Variants in TBC1D4 observed in about 807,000 individuals in gnomAD.
TBC1D4 encodes TBC1 domain family member 4.
A neutral mutation model predicts 142.5 loss-of-function variants in TBC1D4; 121 were observed. That is an observed-to-expected ratio of 0.85 (90% CI 0.73 to 0.99). The LOEUF is 0.99. Ranked by LOEUF, TBC1D4 falls within the 50% of genes least tolerant of loss-of-function variation. TBC1D4 has a pLI of 0.00. For missense variants in TBC1D4, 1,475 were observed against 1,606.6 expected (o/e 0.92, Z 1.40); for synonymous variants, 630 against 628.2 (o/e 1.00, Z -0.04).
intron 1 of TBC1D4, among the ~76,000 whole-genome samples, chr13:75,385,033 G>T (rs950642639): frequency 2.0e-5 from 3 of 152,148 alleles, no homozygotes; most frequent in Admixed American, 2.0e-4. Context: ...TGTCCTCAGA[G>T]AAGGAGGAAC....
chr13:75,436,829 C>T (rs1025220379), intron 1 of TBC1D4, among the ~76,000 whole-genome samples: 10 of 145,558 alleles, frequency 6.9e-5, no homozygotes, highest in African/African-American at 2.2e-4. Flanking sequence ...ATTAGAGAAA[C>T]TTGGAAGACA....
intron 1 of TBC1D4, among the ~76,000 whole-genome samples, chr13:75,461,292 A>C (rs1887956126): frequency 6.6e-6 from 1 of 152,194 alleles, no homozygotes; most frequent in South Asian, 2.1e-4. Context: ...AATGCAAGTA[A>C]GGGCTTAAGA....
rs76337242 is a variant in TBC1D4 at position 75,289,239 on chromosome 13, C to CA, written c.3487-130dup. On this transcript the variant is annotated intron_variant, in intron 19 of 20. Transcript: ENST00000377636. ...TGAAGAACATTAAAGCATAAAAAAGCAAAAAAAAAGTGTAACTGTCAATAC... is the reference window on the plus strand; with the variant it reads ...TGAAGAACATTAAAGCATAAAAAAGCAAAAAAAAAAGTGTAACTGTCAATAC... 1,123 of 1,055,868 alleles carry CA rather than the reference C, an allele frequency of 1.1e-3. 3 individuals carry two copies. The East Asian group carries it at 0.012, about 11-fold the overall frequency. The allele number at this position is 1,055,868 out of a possible 1,614,324, so 65.4% of individuals were successfully genotyped here. A position where few individuals can be genotyped will look rare whatever the true frequency, so the allele number is the denominator to read the frequency against.
At chr13:75,288,882 T>G (rs1874963354) in intron 20 of TBC1D4, 52 bp downstream of exon 20, 1 of 1,571,330 alleles carries the variant, frequency 6.4e-7, no homozygotes, top group South Asian at 1.1e-5. Flanking sequence ...GGTAGTTCTG[T>G]GCATGCAGGA....
chr13:75,317,772 A>G (rs1026591654), intron 12 of TBC1D4, among the ~76,000 whole-genome samples: 1 of 152,164 alleles, frequency 6.6e-6, no homozygotes, highest in African/African-American at 2.4e-5. Flanking sequence ...ACTCCCACCC[A>G]TTTTTGACTG....
At chr13:75,311,073 T>C (rs1877701325) in intron 13 of TBC1D4, among the ~76,000 whole-genome samples, 1 of 152,234 alleles carries the variant, frequency 6.6e-6, no homozygotes, top group Non-Finnish European at 1.5e-5. Context: ...GATTTTCCTA[T>C]TAACAACCAT....
In TBC1D4 at chr13:75,285,735, T is replaced by C. The variant is rs1463560221; in HGVS notation, c.*1057A>G. 5 of 152,640 alleles carry C rather than the reference T, an allele frequency of 3.3e-5. 1 individual carries two copies. The highest frequency in any genetic ancestry group is 6.5e-5 in the Admixed American group (1 of 15,272). The allele number at this position is 152,640 out of a possible 1,614,324, so 9.5% of individuals were successfully genotyped here. ...ATTAAAGCTTATTAGATTCTGTCAA[T>C]TGGTCAAAAGAAAAAATGTATTTCA... On this transcript the variant is annotated 3_prime_UTR_variant, in exon 21 of 21. Coordinates refer to ENST00000377636, the MANE Select transcript of TBC1D4 (RefSeq NM_014832.5).
intron 1 of TBC1D4, among the ~76,000 whole-genome samples, chr13:75,457,017 G>A (rs9634999): frequency 0.028 from 4,326 of 151,980 alleles, 217 homozygotes; most frequent in East Asian, 0.24. Context: ...GAGTAAAAGA[G>A]GTCAGACATA....
At chr13:75,464,033 AG>A (rs1445225481) in intron 1 of TBC1D4, among the ~76,000 whole-genome samples, 3 of 152,260 alleles carry the variant, frequency 2.0e-5, no homozygotes, top group Non-Finnish European at 4.4e-5. Flanking sequence ...GTCAGAATTC[AG>A]GTACAGTTTT....
At chr13:75,344,294 AG>A (rs1280135440) in intron 5 of TBC1D4, among the ~76,000 whole-genome samples, 1 of 152,276 alleles carries the variant, frequency 6.6e-6, no homozygotes. Flanking sequence ...GATTGAAAAG[AG>A]GAAAAGAAAA....
chr13:75,405,367 T>TCAAG (rs1284715793), intron 1 of TBC1D4, among the ~76,000 whole-genome samples: 5 of 149,942 alleles, frequency 3.3e-5, no homozygotes, highest in Non-Finnish European at 7.4e-5. Flanking sequence ...CCTCCCGGGT[T>TCAAG]CAAGCAATTC....
intron 1 of TBC1D4, among the ~76,000 whole-genome samples, chr13:75,466,362 A>G (rs944550760): frequency 1.3e-5 from 2 of 152,230 alleles, no homozygotes; most frequent in African/African-American, 4.8e-5. Context: ...CGCACTAGAA[A>G]AATGAACATT....
chr13:75,334,972 A>C (rs1218658335), intron 8 of TBC1D4, among the ~76,000 whole-genome samples: 1 of 152,072 alleles, frequency 6.6e-6, no homozygotes, highest in Non-Finnish European at 1.5e-5. Context: ...GTGTATATAT[A>C]ACCCATCTCC....
At chr13:75,418,065 T>C (rs1282755827) in intron 1 of TBC1D4, among the ~76,000 whole-genome samples, 1 of 152,236 alleles carries the variant, frequency 6.6e-6, no homozygotes, top group African/African-American at 2.4e-5. Flanking sequence ...TATTATTTTA[T>C]CATAATTGTC....
chr13:75,295,516 C>T (rs507901), intron 17 of TBC1D4, among the ~76,000 whole-genome samples: 7 of 151,980 alleles, frequency 4.6e-5, no homozygotes, highest in Admixed American at 2.6e-4. Context: ...ATTAAAGCTT[C>T]GAATGTTACA....
chr13:75,291,335 C>G (rs1305449846), intron 19 of TBC1D4, among the ~76,000 whole-genome samples: 1 of 152,172 alleles, frequency 6.6e-6, no homozygotes, highest in Non-Finnish European at 1.5e-5. Context: ...GCACAGAACC[C>G]TCCTCCACGG....
chr13:75,409,723 G>C (rs1885514425), intron 1 of TBC1D4, among the ~76,000 whole-genome samples: 1 of 152,160 alleles, frequency 6.6e-6, no homozygotes, highest in Admixed American at 6.5e-5. Flanking sequence ...GTCAACAAAG[G>C]CTTTCAAGGA....
chr13:75,472,082 G>A (rs1168461247), intron 1 of TBC1D4, among the ~76,000 whole-genome samples: 1 of 141,464 alleles, frequency 7.1e-6, no homozygotes, highest in East Asian at 2.1e-4. Flanking sequence ...ACTCCAGCCT[G>A]GGCAACAGAG....
chr13:75,478,531 A>G (rs917101773), intron 1 of TBC1D4, among the ~76,000 whole-genome samples: 11 of 152,184 alleles, frequency 7.2e-5, no homozygotes, highest in Admixed American at 2.0e-4. Context: ...TCTCTTAACA[A>G]TGATCTTAAG....
Sources: gnomAD v4.1 joint callset for allele counts (sites outside exome capture counted in the v4.1 genomes callset) on GRCh38, gnomAD v4.1.1 for gene constraint, MANE v1.5 for transcripts, NCBI Gene and HGNC (gene_info 2026-07-23, HGNC 2026-07-21) for gene names.